Variants in NELL1 observed in about 807,000 individuals in gnomAD.
NELL1 encodes neural EGFL like 1, also known as protein kinase C-binding protein NELL1.
NELL1 carries 76 observed loss-of-function variants against 107.4 expected under a neutral mutation model. That is an observed-to-expected ratio of 0.71 (90% CI 0.59 to 0.86). The LOEUF (loss-of-function observed/expected upper bound fraction) is 0.86. Ranked by LOEUF, NELL1 falls within the 40% of genes least tolerant of loss-of-function variation. The probability of loss-of-function intolerance (pLI) is 0.00; values close to 1 mark genes in which losing one functional copy is unlikely to be tolerated. For synonymous variants in NELL1, 353 were observed against 341.2 expected, an observed-to-expected ratio of 1.03 and a Z score of -0.38; for missense variants, 1,024 against 1,005.5, an observed-to-expected ratio of 1.02 and a Z score of -0.25.
chr11:20,840,522 G>T (rs984144592), intron 3 of NELL1, among the ~76,000 whole-genome samples: 10 of 152,198 alleles, frequency 6.6e-5, no homozygotes, highest in African/African-American at 2.4e-4. Context: ...TATAATGGCT[G>T]TTGGCTGGGA....
intron 13 of NELL1, among the ~76,000 whole-genome samples, chr11:21,214,072 C>G (rs1857561674): frequency 1.3e-5 from 2 of 152,040 alleles, no homozygotes; most frequent in Admixed American, 1.3e-4. Context: ...AATCCCATAT[C>G]CAATAAAGGC....
intron 12 of NELL1, among the ~76,000 whole-genome samples, chr11:21,047,822 A>T (rs1430757080): frequency 1.3e-5 from 2 of 152,174 alleles, no homozygotes; most frequent in African/African-American, 4.8e-5. Context: ...ACCAGCTAAC[A>T]TGCAGTCTAA....
At chr11:20,848,576 GC>G (rs1199118532) in intron 4 of NELL1, among the ~76,000 whole-genome samples, 1 of 152,008 alleles carries the variant, frequency 6.6e-6, no homozygotes, top group Non-Finnish European at 1.5e-5. Flanking sequence ...TCTGAGCAGT[GC>G]CCATGCATTG....
chr11:21,354,793 G>T (rs1850893124), intron 14 of NELL1, among the ~76,000 whole-genome samples: 2 of 152,300 alleles, frequency 1.3e-5, no homozygotes, highest in Admixed American at 6.5e-5. Flanking sequence ...GTAATTCCAT[G>T]CAGTTATATA....
rs578120039 is a variant in NELL1 at position 20,703,881 on chromosome 11, A to C, written c.184+25821A>C. On this transcript the variant is annotated intron_variant, in intron 2 of 19. Coordinates refer to ENST00000357134, the MANE Select transcript of NELL1 (RefSeq NM_006157.5). ...GTGGTCTGAGAGACAGTGTGTTATA[A>C]TTTCTATTCTTTTACATTTGCTGAG... Among the ~76,000 whole-genome samples the C allele has an allele frequency of 1.9e-4, 29 of 152,258 alleles. 1 individual carries two copies. The East Asian group carries it at 4.8e-3, about 25-fold the overall frequency.
At chr11:21,448,358 TTG>T (rs1199720825) in intron 15 of NELL1, among the ~76,000 whole-genome samples, 1 of 152,224 alleles carries the variant, frequency 6.6e-6, no homozygotes, top group Non-Finnish European at 1.5e-5. Context: ...CATATTTTCT[TTG>T]TGTTTTCTTC....
intron 5 of NELL1, among the ~76,000 whole-genome samples, chr11:20,907,522 A>G (rs1224810481): frequency 1.3e-5 from 2 of 152,138 alleles, no homozygotes; most frequent in Non-Finnish European, 2.9e-5. Flanking sequence ...CCAATAATAT[A>G]TCACTTCATA....
chr11:20,748,887 T>TCCAC, intron 2 of NELL1, among the ~76,000 whole-genome samples: 1 of 148,278 alleles, frequency 6.7e-6, no homozygotes, highest in African/African-American at 2.6e-5. Flanking sequence ...CATCCATCCA[T>TCCAC]CCATCCATCC....
At chr11:20,895,133 G>A (rs1014591230) in intron 5 of NELL1, among the ~76,000 whole-genome samples, 3 of 143,238 alleles carry the variant, frequency 2.1e-5, no homozygotes, top group African/African-American at 5.4e-5. Context: ...TTAGCCGGGC[G>A]TAGTGGCGGG....
chr11:20,699,868 A>G (rs1293898652), intron 2 of NELL1, among the ~76,000 whole-genome samples: 1 of 152,154 alleles, frequency 6.6e-6, no homozygotes, highest in Admixed American at 6.6e-5. Context: ...TGTTTTCCAT[A>G]GTGGTTGTAC....
In NELL1 at chr11:21,152,877, A is replaced by G. The variant is rs906310011; in HGVS notation, c.1426+39163A>G. Among the ~76,000 whole-genome samples the G allele has an allele frequency of 3.3e-5, 5 of 152,172 alleles. No individual in the cohort carries two copies. The South Asian group carries it at 8.3e-4, about 25-fold the overall frequency. ...CTAATTATATCCTGAATGATTTCAG[A>G]AATTTGATCTCAACTGTTTTCCTGT... On this transcript the variant is annotated intron_variant, in intron 13 of 19. Coordinates refer to ENST00000357134, the MANE Select transcript of NELL1 (RefSeq NM_006157.5).
chr11:21,551,482 G>C (rs1856581874), intron 16 of NELL1, among the ~76,000 whole-genome samples: 1 of 151,458 alleles, frequency 6.6e-6, no homozygotes, highest in South Asian at 2.1e-4. Flanking sequence ...GTAAGGACAT[G>C]AACAGACACT....
chr11:21,096,746 A>G lies in NELL1; in HGVS notation c.1301-16843A>G, dbSNP rs370759004. On this transcript the variant is annotated intron_variant, in intron 12 of 19. Transcript: ENST00000357134. ...TTTTGTTTGTTTTTTCTCTTTTTTG[A>G]TACGGGGTCTCACTCTGTCACCCAG... 3.3e-5 allele frequency among the ~76,000 whole-genome samples: 5 copies of G among 151,890 alleles called. No individual in the cohort carries two copies. The South Asian group carries it at 6.3e-4, about 19-fold the overall frequency.
chr11:21,097,083 C>T (rs1263760913), intron 12 of NELL1, among the ~76,000 whole-genome samples: 4 of 152,218 alleles, frequency 2.6e-5, no homozygotes, highest in Non-Finnish European at 5.9e-5. Flanking sequence ...TTCAGACTAA[C>T]CTCCAGGTAG....
chr11:21,253,703 T>C (rs1480379224), intron 14 of NELL1, among the ~76,000 whole-genome samples: 2 of 152,126 alleles, frequency 1.3e-5, no homozygotes, highest in African/African-American at 4.8e-5. Context: ...GGATAGAACA[T>C]GTGATCATTC....
At chr11:20,851,144 G>T (rs189186401) in intron 4 of NELL1, among the ~76,000 whole-genome samples, 45 of 152,282 alleles carry the variant, frequency 3.0e-4, no homozygotes, top group Middle Eastern at 6.8e-3. Flanking sequence ...AAATCGAGAA[G>T]AAATTTCCCA....
intron 15 of NELL1, among the ~76,000 whole-genome samples, chr11:21,433,967 G>C (rs976497232): frequency 6.1e-4 from 93 of 152,222 alleles, no homozygotes; most frequent in Middle Eastern, 6.8e-3. Context: ...GAGCCACCAC[G>C]CCCAGCAGGC....
At chr11:20,919,471 T>G (rs958009877) in intron 7 of NELL1, 137 bp downstream of exon 7, 2 of 561,840 alleles carry the variant, frequency 3.6e-6, no homozygotes, top group African/African-American at 3.9e-5. Context: ...TTATTCTTAC[T>G]CAAAATAGGA....
intron 15 of NELL1, among the ~76,000 whole-genome samples, chr11:21,531,924 T>G (rs2133968134): frequency 6.6e-6 from 1 of 152,290 alleles, no homozygotes; most frequent in Middle Eastern, 3.4e-3. Flanking sequence ...TGATGGTTGC[T>G]TTATATACTA....
Sources: allele counts gnomAD v4.1 joint callset (sites outside exome capture counted in the v4.1 genomes callset), GRCh38; gene constraint gnomAD v4.1.1; transcripts MANE v1.5; gene names NCBI Gene and HGNC (gene_info 2026-07-23, HGNC 2026-07-21).